The following CDH13 variants were observed in gnomAD, a reference collection of about 807,000 sequenced individuals.
The protein encoded by CDH13 is cadherin-13.
CDH13 carries 24 observed loss-of-function variants against 63.8 expected under a neutral mutation model. The observed-to-expected ratio is 0.38, with a 90% CI of 0.27 to 0.53. The LOEUF (loss-of-function observed/expected upper bound fraction) is 0.53, where lower values mean the gene tolerates loss of function less well. Among genes scored for constraint, CDH13 ranks in the 20% least tolerant of loss-of-function variants. The probability of loss-of-function intolerance (pLI) is 0.85; values close to 1 mark genes in which losing one functional copy is unlikely to be tolerated. For missense variants in CDH13, 1,049 were observed against 903.1 expected, an observed-to-expected ratio of 1.16 and a Z score of -2.07; for synonymous variants, 503 against 355.3, an observed-to-expected ratio of 1.42 and a Z score of -4.67.
chr16:83,620,769 C>T (rs1447457764), intron 8 of CDH13, among the ~76,000 whole-genome samples: 2 of 152,190 alleles, frequency 1.3e-5, no homozygotes, highest in East Asian at 3.9e-4. Flanking sequence ...TGGTAAGAGT[C>T]TGGCCTCTGC....
chr16:83,068,925 A>T (rs896201927), intron 3 of CDH13, among the ~76,000 whole-genome samples: 1 of 152,034 alleles, frequency 6.6e-6, no homozygotes, highest in African/African-American at 2.4e-5. Flanking sequence ...ATTGCCACCC[A>T]CTGGTTAAGA....
At chr16:83,526,970 A>G (rs2074976359) in intron 7 of CDH13, among the ~76,000 whole-genome samples, 1 of 152,058 alleles carries the variant, frequency 6.6e-6, no homozygotes, top group South Asian at 2.1e-4. Flanking sequence ...CGTCTATACT[A>G]AAACTACAAA....
chr16:83,097,485 G>T (rs191927599), intron 3 of CDH13, among the ~76,000 whole-genome samples: 4 of 152,280 alleles, frequency 2.6e-5, no homozygotes, highest in Admixed American at 2.6e-4. Flanking sequence ...AATGAACCAT[G>T]CATAATTGCA....
chr16:83,194,926 T>C (rs934924459), intron 4 of CDH13, among the ~76,000 whole-genome samples: 2 of 152,178 alleles, frequency 1.3e-5, no homozygotes, highest in South Asian at 2.1e-4. Context: ...TGCTTTGACA[T>C]ACAAACCCAT....
intron 5 of CDH13, among the ~76,000 whole-genome samples, chr16:83,298,860 A>C (rs888982402): frequency 3.3e-5 from 5 of 152,240 alleles, no homozygotes; most frequent in Non-Finnish European, 5.9e-5. Flanking sequence ...TGTCTTTTCC[A>C]ATAACAGCAT....
chr16:83,466,796 C>G (rs1424419875), intron 6 of CDH13, among the ~76,000 whole-genome samples: 1 of 152,220 alleles, frequency 6.6e-6, no homozygotes, highest in Non-Finnish European at 1.5e-5. Context: ...TGCATTTACC[C>G]TACAGGAACA....
chr16:83,059,305 C>T (rs1310897137), intron 3 of CDH13, among the ~76,000 whole-genome samples: 1 of 152,132 alleles, frequency 6.6e-6, no homozygotes, highest in African/African-American at 2.4e-5. Flanking sequence ...TTGAGAGTTG[C>T]CTGGGAGCAG....
chr16:83,363,387 T>A (rs1381828605), intron 6 of CDH13, among the ~76,000 whole-genome samples: 1 of 152,200 alleles, frequency 6.6e-6, no homozygotes, highest in Admixed American at 6.5e-5. Context: ...AGTATGTGTG[T>A]ATACATGCAT....
intron 6 of CDH13, among the ~76,000 whole-genome samples, chr16:83,350,785 T>C (rs1007418049): frequency 6.6e-6 from 1 of 152,160 alleles, no homozygotes; most frequent in Non-Finnish European, 1.5e-5. Flanking sequence ...AGTCTTGTAG[T>C]GAGATAGGAG....
rs763952592 is a variant in CDH13 at position 83,780,085 on chromosome 16, G to A, written c.1799G>A (p.Ser600Asn). 1.2e-6 allele frequency: 2 copies of A among 1,613,834 alleles called. No homozygotes were observed. Among genetic ancestry groups the A allele is most frequent in the East Asian group, 2.2e-5 (1 of 44,866 alleles). Residue 600 changes from serine (S) to asparagine (N), a missense_variant, in exon 12 of 14, where the codon AGT becomes AAT. Transcript: ENST00000567109. ...AEVCDDAKNL[S>N]VVILGASDKD... ...GTCTGTGATGATGCCAAAAACCTCA[G>A]TGTAGTCATTTTGGGAGCATCAGAT...
At chr16:83,698,034 C>G (rs1905652953) in intron 10 of CDH13, among the ~76,000 whole-genome samples, 1 of 152,248 alleles carries the variant, frequency 6.6e-6, no homozygotes, top group South Asian at 2.1e-4. Context: ...TGTCTCCCCA[C>G]ACTAAACTGT....
intron 2 of CDH13, among the ~76,000 whole-genome samples, chr16:83,012,865 G>T (rs1303929590): frequency 6.6e-6 from 1 of 152,074 alleles, no homozygotes; most frequent in African/African-American, 2.4e-5. Flanking sequence ...ATTTTAAATG[G>T]AAAATATCTC....
At chr16:83,509,014 A>G (rs3924392) in intron 7 of CDH13, among the ~76,000 whole-genome samples, 86,188 of 152,024 alleles carry the variant, frequency 0.57, 24,770 homozygotes, top group East Asian at 0.84. Context: ...TGGGGTCTGC[A>G]TAGCATGCAC....
chr16:82,884,833 C>G (rs1402027208), intron 2 of CDH13, among the ~76,000 whole-genome samples: 1 of 152,180 alleles, frequency 6.6e-6, no homozygotes, highest in Non-Finnish European at 1.5e-5. Context: ...TTATTTTCTT[C>G]TCCAGTCATC....
chr16:83,091,025 T>C (rs2033881252), intron 3 of CDH13, among the ~76,000 whole-genome samples: 1 of 152,226 alleles, frequency 6.6e-6, no homozygotes. Flanking sequence ...ACTTATTATA[T>C]AACATTTTCT....
chr16:82,880,458 G>A (rs950750738), intron 2 of CDH13, among the ~76,000 whole-genome samples: 2 of 152,144 alleles, frequency 1.3e-5, no homozygotes, highest in South Asian at 2.1e-4. Flanking sequence ...CACATAGAAA[G>A]GTGATTTGAA....
intron 1 of CDH13, among the ~76,000 whole-genome samples, chr16:82,760,678 G>A (rs558293404): frequency 1.4e-4 from 21 of 152,240 alleles, no homozygotes; most frequent in South Asian, 4.1e-4. Context: ...CTGAGGCCGC[G>A]TAATATTTAC....
intron 2 of CDH13, among the ~76,000 whole-genome samples, chr16:82,928,872 T>G (rs1010021520): frequency 6.6e-6 from 1 of 152,246 alleles, no homozygotes; most frequent in Admixed American, 6.5e-5. Context: ...TTTCTTCTTA[T>G]GTCCATTCTT....
At chr16:83,551,137 A>G (rs924051148) in intron 7 of CDH13, among the ~76,000 whole-genome samples, 63 of 151,788 alleles carry the variant, frequency 4.2e-4, no homozygotes, top group African/African-American at 1.5e-3. Context: ...GCTGGTGTAC[A>G]GTGGCATGAT....
Sources: gnomAD v4.1 joint callset for allele counts (sites outside exome capture counted in the v4.1 genomes callset) on GRCh38, gnomAD v4.1.1 for gene constraint, MANE v1.5 for transcripts, NCBI Gene and HGNC (gene_info 2026-07-23, HGNC 2026-07-21) for gene names.